The following INPP5D variants were observed in gnomAD, a reference collection of about 807,000 sequenced individuals.
The protein encoded by INPP5D is inositol polyphosphate-5-phosphatase D.
Under a neutral mutation model 122.9 loss-of-function variants are expected in INPP5D, and 33 were observed. That is an observed-to-expected ratio of 0.27 (90% CI 0.20 to 0.36). The LOEUF (loss-of-function observed/expected upper bound fraction) is 0.36. Among genes scored for constraint, INPP5D ranks in the 10% least tolerant of loss-of-function variants. The probability of loss-of-function intolerance (pLI) is 1.00; values close to 1 mark genes in which losing one functional copy is unlikely to be tolerated. For missense variants in INPP5D, 1,053 were observed against 1,412.7 expected (o/e 0.75, Z 4.08); for synonymous variants, 584 against 576.2 (o/e 1.01, Z -0.19).
Position 233,170,567 on chromosome 2 carries a change from C to G in INPP5D, c.1863C>G (p.Leu621=). 1 of 1,613,648 alleles carries G rather than the reference C, an allele frequency of 6.2e-7. No homozygotes were observed. The highest frequency in any genetic ancestry group is 8.5e-7 in the Non-Finnish European group (1 of 1,179,762). Reference sequence around the variant, plus strand: ...ACCTCCTGTCCCACGACCAGCTGCTCACAGAGAGGAGGGAGCAGAAGGTCT... The same window carrying G: ...ACCTCCTGTCCCACGACCAGCTGCTGACAGAGAGGAGGGAGCAGAAGGTCT... The part of the protein sequence containing the change: ...YADLLSHDQL[L]TERREQKVFL... The change falls in exon 16 of 27, where the codon CTC becomes CTG. Residue 621 remains leucine (L), a synonymous_variant. Transcript: ENST00000445964. This position sits in a 1 kb window ranked among gnomAD's most constrained non-coding sequence, Gnocchi z 4.5.
At chr2:233,111,962 G>C (rs994401007) in intron 2 of INPP5D, among the ~76,000 whole-genome samples, 2 of 150,246 alleles carry the variant, frequency 1.3e-5, no homozygotes, top group Non-Finnish European at 3.0e-5. Flanking sequence ...ACTTGGGGGG[G>C]CTGAGGTGTG....
chr2:233,063,687 C>T (rs1691134439), intron 1 of INPP5D, among the ~76,000 whole-genome samples: 1 of 152,254 alleles, frequency 6.6e-6, no homozygotes, highest in Non-Finnish European at 1.5e-5. Context: ...GAAAGCCCTG[C>T]TTGACAGGGA....
At chr2:233,198,050 G>T in intron 24 of INPP5D, 45 bp from the exon 25 acceptor site, 1 of 1,504,432 alleles carries the variant, frequency 6.6e-7, no homozygotes. Context: ...CTGACCCCGA[G>T]AAGGGAAGGG....
chr2:233,159,173 G>A (rs36177526), intron 10 of INPP5D, among the ~76,000 whole-genome samples: 51,551 of 152,114 alleles, frequency 0.34, 11,212 homozygotes, highest in Non-Finnish European at 0.48. Context: ...GCCAGGATGG[G>A]TTCCTGGGGT....
intron 2 of INPP5D, among the ~76,000 whole-genome samples, chr2:233,086,634 G>A (rs1691858766): frequency 6.6e-6 from 1 of 151,022 alleles, no homozygotes; most frequent in Admixed American, 6.6e-5. Context: ...CCTTGAATTT[G>A]CTGAACAGAA....
intron 2 of INPP5D, among the ~76,000 whole-genome samples, chr2:233,086,173 C>CTTTCTTTCTTTT (rs1691839564): frequency 6.9e-6 from 1 of 145,406 alleles, no homozygotes; most frequent in African/African-American, 2.6e-5. Context: ...TTCTTTCTTT[C>CTTTCTTTCTTTT]TTTCTTTCTT....
chr2:233,071,044 C>A (rs772173146), intron 1 of INPP5D, among the ~76,000 whole-genome samples: 26 of 151,978 alleles, frequency 1.7e-4, no homozygotes, highest in Non-Finnish European at 3.1e-4. Flanking sequence ...GAGGCCGAGG[C>A]GGCCGGATCA....
At chr2:233,138,768 A>G (rs1444893007) in intron 5 of INPP5D, among the ~76,000 whole-genome samples, 1 of 151,080 alleles carries the variant, frequency 6.6e-6, no homozygotes, top group African/African-American at 2.5e-5. Context: ...TTTTTGAGAC[A>G]AGAGTCTCGC....
At chr2:233,084,094 G>C (rs954865626) in intron 2 of INPP5D, among the ~76,000 whole-genome samples, 1 of 152,170 alleles carries the variant, frequency 6.6e-6, no homozygotes, top group Admixed American at 6.5e-5. Flanking sequence ...TTGTTCTGTA[G>C]ACCAGGCTGG....
intron 2 of INPP5D, among the ~76,000 whole-genome samples, chr2:233,098,936 T>TTTTATTTATTTATTTA (rs57540040): frequency 0.42 from 60,796 of 145,754 alleles, 13,534 homozygotes; most frequent in Non-Finnish European, 0.49. Context: ...GGAACTTTAT[T>TTTTATTTATTTATTTA]TTTATTTATT....
intron 1 of INPP5D, among the ~76,000 whole-genome samples, chr2:233,067,133 C>T (rs1379845450): frequency 2.0e-5 from 3 of 152,212 alleles, no homozygotes; most frequent in Non-Finnish European, 4.4e-5. Context: ...GTGAAACCAA[C>T]ACCACTGTCT....
chr2:233,184,312 C>T, intron 19 of INPP5D, 96 bp from the exon 20 acceptor site: 1 of 1,495,856 alleles, frequency 6.7e-7, no homozygotes, highest in Non-Finnish European at 9.0e-7. Context: ...TCCTGGGACC[C>T]TGAGAAGGAG....
At chr2:233,125,993 G>A in intron 4 of INPP5D, 74 bp downstream of exon 4, 2 of 1,445,470 alleles carry the variant, frequency 1.4e-6, no homozygotes, top group Non-Finnish European at 1.9e-6. Context: ...GATGGCTTGG[G>A]TTTCGATCCT....
At position 233,164,278 on chromosome 2, in the gene INPP5D, C is replaced by A; in HGVS notation, c.1438-29C>A. On this transcript the variant is annotated intron_variant, in intron 12 of 26. Coordinates refer to ENST00000445964, the MANE Select transcript of INPP5D (RefSeq NM_001017915.3). The surrounding 1 kb of genome is among the most constrained non-coding windows in gnomAD (Gnocchi z 4.3). Reference sequence around the variant, plus strand: ...CCTGGTTCACACCCTACACTTGGGCCGAGTATTGCAACGTTGTCCTCCCAC... The same window carrying A: ...CCTGGTTCACACCCTACACTTGGGCAGAGTATTGCAACGTTGTCCTCCCAC... 2 of 1,532,984 alleles carry A rather than the reference C, an allele frequency of 1.3e-6. No individual in the cohort carries two copies. Among genetic ancestry groups the A allele is most frequent in the South Asian group, 1.2e-5 (1 of 81,368 alleles). 95.0% of individuals were successfully genotyped at this position (1,532,984 alleles called of 1,614,324 possible). A position where few individuals can be genotyped will look rare whatever the true frequency, so the allele number is the denominator to read the frequency against.
At chr2:233,101,423 C>T (rs973716020) in intron 2 of INPP5D, among the ~76,000 whole-genome samples, 4 of 151,914 alleles carry the variant, frequency 2.6e-5, no homozygotes, top group African/African-American at 9.7e-5. Context: ...TTAGAGACTC[C>T]TGTCACACCT....
intron 2 of INPP5D, among the ~76,000 whole-genome samples, chr2:233,113,837 C>G (rs775530838): frequency 6.6e-6 from 1 of 151,768 alleles, no homozygotes; most frequent in Non-Finnish European, 1.5e-5. Context: ...GGTGATAGTT[C>G]TAAAATGTAA....
chr2:233,098,247 A>G (rs914867527), intron 2 of INPP5D, among the ~76,000 whole-genome samples: 2 of 152,110 alleles, frequency 1.3e-5, no homozygotes, highest in African/African-American at 4.8e-5. Context: ...AGGAGGATGC[A>G]AGTCAAAGAC....
intron 3 of INPP5D, among the ~76,000 whole-genome samples, chr2:233,125,226 G>C (rs760277331): frequency 3.9e-5 from 6 of 152,266 alleles, no homozygotes; most frequent in Non-Finnish European, 8.8e-5. Flanking sequence ...GAGTCTGGGG[G>C]AGGAGAGAAG....
intron 9 of INPP5D, among the ~76,000 whole-genome samples, chr2:233,158,104 C>G (rs1574772958): frequency 6.6e-6 from 1 of 152,084 alleles, no homozygotes; most frequent in Admixed American, 6.6e-5. Flanking sequence ...GACAGGCCAA[C>G]TCTTGCTTGT....
Sources: allele counts gnomAD v4.1 joint callset (sites outside exome capture counted in the v4.1 genomes callset), GRCh38; gene constraint gnomAD v4.1.1; non-coding constraint Gnocchi (gnomAD v3.1); transcripts MANE v1.5; gene names NCBI Gene and HGNC (gene_info 2026-07-23, HGNC 2026-07-21).